The following PARD3B variants were observed in gnomAD, a reference collection of about 807,000 sequenced individuals.
PARD3B encodes partitioning defective 3 homolog B.
PARD3B carries 103 observed loss-of-function variants against 130.2 expected under a neutral mutation model. The ratio of observed to expected loss-of-function variants is 0.79; its 90% confidence interval spans 0.67 to 0.93. PARD3B has a LOEUF of 0.93. Ranked by LOEUF, PARD3B falls within the 40% of genes least tolerant of loss-of-function variation. PARD3B has a pLI of 0.00. For synonymous variants in PARD3B, 583 were observed against 553.2 expected (o/e 1.05, Z -0.76); for missense variants, 1,609 against 1,499.2 (o/e 1.07, Z -1.21).
At chr2:205,531,969 C>T (rs1232435685) in intron 21 of PARD3B, among the ~76,000 whole-genome samples, 3 of 150,918 alleles carry the variant, frequency 2.0e-5, no homozygotes, top group African/African-American at 4.9e-5. Context: ...TGAATGTTTT[C>T]TTCACCTCCA....
chr2:204,556,541 C>T (rs112129165), intron 1 of PARD3B, among the ~76,000 whole-genome samples: 20 of 151,894 alleles, frequency 1.3e-4, no homozygotes, highest in Admixed American at 6.6e-4. Context: ...GAATTTTCCA[C>T]GAGAAAAGTG....
chr2:205,044,095 T>C (rs1698585922), intron 3 of PARD3B, among the ~76,000 whole-genome samples: 1 of 152,106 alleles, frequency 6.6e-6, no homozygotes, highest in Non-Finnish European at 1.5e-5. Context: ...CTGAGAATGA[T>C]GATTTCCAAT....
At chr2:204,760,336 G>A (rs2040846275) in intron 2 of PARD3B, among the ~76,000 whole-genome samples, 1 of 151,936 alleles carries the variant, frequency 6.6e-6, no homozygotes, top group Non-Finnish European at 1.5e-5. Flanking sequence ...ATTGATTTTT[G>A]TGGGGATTTT....
intron 3 of PARD3B, among the ~76,000 whole-genome samples, chr2:205,013,281 G>T (rs925539715): frequency 2.0e-5 from 3 of 152,084 alleles, no homozygotes; most frequent in Non-Finnish European, 4.4e-5. Context: ...TCTTTTGTTC[G>T]TCTGTCTTCT....
chr2:205,620,150 A>C lies in PARD3B; in HGVS notation c.*4337A>C, dbSNP rs1473292695. The C allele has an allele frequency of 1.3e-5, 2 of 152,082 alleles. No individual in the cohort carries two copies. The highest frequency in any genetic ancestry group is 4.8e-5 in the African/African-American group (2 of 41,436). 9.4% of individuals were successfully genotyped at this position (152,082 alleles called of 1,614,324 possible). On this transcript the variant is annotated 3_prime_UTR_variant, in exon 23 of 23. Transcript: ENST00000406610. ...ATATTTTACATTAAAATAAAGCTTT[A>C]TTCAGTCATTAAGACGTCAGAGTCT...
At chr2:205,019,778 C>G (rs1456311869) in intron 3 of PARD3B, among the ~76,000 whole-genome samples, 1 of 152,020 alleles carries the variant, frequency 6.6e-6, no homozygotes. Context: ...AAGGCGGAAA[C>G]TTTGTTTCAA....
intron 15 of PARD3B, among the ~76,000 whole-genome samples, chr2:205,243,632 T>C (rs543059691): frequency 6.6e-6 from 1 of 152,160 alleles, no homozygotes; most frequent in South Asian, 2.1e-4. Flanking sequence ...ATAAAGAGAG[T>C]AGTTTTCCAG....
chr2:204,867,012 T>C (rs2045448428), intron 2 of PARD3B, among the ~76,000 whole-genome samples: 1 of 152,072 alleles, frequency 6.6e-6, no homozygotes, highest in Non-Finnish European at 1.5e-5. Context: ...GAGGTTGCAA[T>C]GAGCCAAGAT....
chr2:204,609,374 A>G (rs1335966398), intron 1 of PARD3B, among the ~76,000 whole-genome samples: 2 of 152,200 alleles, frequency 1.3e-5, no homozygotes, highest in African/African-American at 4.8e-5. Flanking sequence ...ATGAGTGACC[A>G]TGGCCTGGGG....
At chr2:205,072,762 C>G (rs953443277) in intron 4 of PARD3B, among the ~76,000 whole-genome samples, 1 of 152,134 alleles carries the variant, frequency 6.6e-6, no homozygotes, top group Non-Finnish European at 1.5e-5. Flanking sequence ...ATTTGCACTA[C>G]TTGCTATGGC....
intron 2 of PARD3B, among the ~76,000 whole-genome samples, chr2:204,872,233 T>C (rs1053493935): frequency 1.3e-5 from 2 of 152,062 alleles, no homozygotes; most frequent in Non-Finnish European, 2.9e-5. Flanking sequence ...CTGCCAAATT[T>C]TATACATACA....
rs1413952823 is a variant in PARD3B at position 205,584,446 on chromosome 2, G to A, written c.3261-31010G>A. 1.3e-5 allele frequency among the ~76,000 whole-genome samples: 2 copies of A among 152,234 alleles called. No individual in the cohort carries two copies. The highest frequency in any genetic ancestry group is 3.9e-4 in the East Asian group (2 of 5,180). Reference sequence around the variant, plus strand: ...CAATCCCAGCACTTTAGGAGGCCGAGGCAGGCCGATCACCTGACGTCAGGA... The same window carrying A: ...CAATCCCAGCACTTTAGGAGGCCGAAGCAGGCCGATCACCTGACGTCAGGA... On this transcript the variant is annotated intron_variant, in intron 22 of 22. Transcript: ENST00000406610. The surrounding 1 kb of genome is among the most constrained non-coding windows in gnomAD (Gnocchi z 5.5).
At chr2:204,885,698 C>A (rs758131383) in intron 2 of PARD3B, among the ~76,000 whole-genome samples, 10 of 151,966 alleles carry the variant, frequency 6.6e-5, no homozygotes, top group Non-Finnish European at 8.8e-5. Flanking sequence ...ATTTGTTGAG[C>A]CTGATTAGTT....
intron 2 of PARD3B, among the ~76,000 whole-genome samples, chr2:204,856,072 T>C (rs1425478231): frequency 6.6e-6 from 1 of 152,174 alleles, no homozygotes; most frequent in Non-Finnish European, 1.5e-5. Flanking sequence ...TATCCAGAAG[T>C]GGGATTGCTG....
chr2:204,923,987 T>C (rs936936408), intron 2 of PARD3B, among the ~76,000 whole-genome samples: 5 of 152,088 alleles, frequency 3.3e-5, no homozygotes, highest in African/African-American at 1.2e-4. Flanking sequence ...CTTAGTGATA[T>C]AGTATTTGAT....
intron 4 of PARD3B, among the ~76,000 whole-genome samples, chr2:205,077,379 C>T (rs1039553692): frequency 1.3e-5 from 2 of 152,066 alleles, no homozygotes; most frequent in African/African-American, 4.8e-5. Flanking sequence ...TGGCTCAAGG[C>T]GAATTTTCTG....
rs970522601 is a variant in PARD3B at position 205,287,993 on chromosome 2, A to G, written c.2186-12537A>G. On this transcript the variant is annotated intron_variant, in intron 16 of 22. Transcript: ENST00000406610. This position sits in a 1 kb window ranked among gnomAD's most constrained non-coding sequence, Gnocchi z 4.8. ...CAGTATGCTGTCAGATTTCACAACAACATTAAGTGGTACTTCCTTTCCATA... is the reference window on the plus strand; with the variant it reads ...CAGTATGCTGTCAGATTTCACAACAGCATTAAGTGGTACTTCCTTTCCATA... Among the ~76,000 whole-genome samples the G allele has an allele frequency of 6.6e-6, 1 of 152,144 alleles. No individual in the cohort carries two copies. The highest frequency in any genetic ancestry group is 2.4e-5 in the African/African-American group (1 of 41,444).
chr2:204,777,405 TGAAAG>T (rs2041665056), intron 2 of PARD3B, among the ~76,000 whole-genome samples: 1 of 152,048 alleles, frequency 6.6e-6, no homozygotes, highest in Admixed American at 6.6e-5. Context: ...GAGAGAGTAA[TGAAAG>T]GAAACATAAG....
At chr2:204,999,832 G>A (rs527539390) in intron 3 of PARD3B, among the ~76,000 whole-genome samples, 1 of 152,160 alleles carries the variant, frequency 6.6e-6, no homozygotes, top group East Asian at 1.9e-4. Context: ...CTGAACTTTT[G>A]GAGTGATAAG....
Sources: allele counts gnomAD v4.1 joint callset (sites outside exome capture counted in the v4.1 genomes callset), GRCh38; gene constraint gnomAD v4.1.1; non-coding constraint Gnocchi (gnomAD v3.1); transcripts MANE v1.5; gene names NCBI Gene and HGNC (gene_info 2026-07-23, HGNC 2026-07-21).